FZR1: variants seen among roughly 807,000 people sequenced by gnomAD.
FZR1 encodes the protein fizzy and cell division cycle 20 related 1, also known as fizzy-related protein homolog.
A neutral mutation model predicts 63.6 loss-of-function variants in FZR1; 11 were observed. That is an observed-to-expected ratio of 0.17 (90% confidence interval 0.11 to 0.29). The LOEUF (loss-of-function observed/expected upper bound fraction) is 0.29. Ranked by LOEUF, FZR1 falls within the 10% of genes least tolerant of loss-of-function variation. The probability of loss-of-function intolerance (pLI) is 1.00; values close to 1 mark genes in which losing one functional copy is unlikely to be tolerated. For missense variants in FZR1, 440 were observed against 687.5 expected (o/e 0.64, Z 4.03); for synonymous variants, 328 against 297.9 (o/e 1.10, Z -1.04).
intron 1 of FZR1, among the ~76,000 whole-genome samples, chr19:3,506,746 G>A (rs1458869805): frequency 2.0e-5 from 3 of 151,814 alleles, no homozygotes; most frequent in Non-Finnish European, 4.4e-5. Flanking sequence ...CCTGTAAGTC[G>A]TGACCTCCCC....
chr19:3,517,046 C>T (rs988862615), intron 1 of FZR1, among the ~76,000 whole-genome samples: 4 of 152,240 alleles, frequency 2.6e-5, no homozygotes, highest in Non-Finnish European at 4.4e-5. Context: ...CCTCAGTGCA[C>T]GCGGTTACCA....
intron 13 of FZR1, 48 bp downstream of exon 13, chr19:3,534,561 C>G (rs746035868): frequency 7.0e-6 from 9 of 1,291,192 alleles, no homozygotes; most frequent in Middle Eastern, 3.6e-4. Context: ...CCAGCCTGTC[C>G]CAGGGTCGTC....
chr19:3,513,945 G>A (rs1463519144), intron 1 of FZR1, among the ~76,000 whole-genome samples: 2 of 152,146 alleles, frequency 1.3e-5, no homozygotes, highest in Non-Finnish European at 2.9e-5. Context: ...CCTTTTGTCC[G>A]TTAAAGAGCC....
rs527777885 is a variant in FZR1, at chr19:3,532,180, C to T, written c.1008+85C>T. ...AGGAACGGAAGAGCCTGGGCTGGGG[C>T]GGGCGCGGGCGCGGGGCCCACTCCA... On this transcript the variant is annotated intron_variant, in intron 10 of 13. Coordinates refer to ENST00000441788, the MANE Select transcript of FZR1 (RefSeq NM_016263.4). 283 of 1,249,824 alleles carry T rather than the reference C, an allele frequency of 2.3e-4. 1 individual carries two copies. Among genetic ancestry groups the T allele is most frequent in the South Asian group, 8.6e-4 (56 of 65,032 alleles). 77.4% of individuals were successfully genotyped at this position (1,249,824 alleles called of 1,614,324 possible). A position where few individuals can be genotyped will look rare whatever the true frequency, so the allele number is the denominator to read the frequency against.
intron 1 of FZR1, among the ~76,000 whole-genome samples, chr19:3,520,397 CCATGTGCTTTGGGCT>C: frequency 6.6e-6 from 1 of 152,312 alleles, no homozygotes; most frequent in Admixed American, 6.5e-5. Context: ...CCCTTTGGGC[CCATGTGCTTTGGGCT>C]GAGCCATGTA....
At chr19:3,521,085 G>A (rs2083097614) in intron 1 of FZR1, among the ~76,000 whole-genome samples, 2 of 152,218 alleles carry the variant, frequency 1.3e-5, no homozygotes, top group South Asian at 4.1e-4. Context: ...GTGGAGGGCC[G>A]CGCTGGTTCG....
chr19:3,530,665 A>G, intron 7 of FZR1, 127 bp from the exon 8 acceptor site: 1 of 673,532 alleles, frequency 1.5e-6, no homozygotes, highest in Non-Finnish European at 2.6e-6. Flanking sequence ...TGGATGGGAG[A>G]GTGGATGAGA....
intron 7 of FZR1, among the ~76,000 whole-genome samples, chr19:3,528,334 G>A (rs1436923014): frequency 1.3e-5 from 2 of 152,250 alleles, no homozygotes; most frequent in Admixed American, 6.5e-5. Context: ...AACGCCATGC[G>A]AGTAGTTTCG....
At chr19:3,507,778 T>C (rs1207646560) in intron 1 of FZR1, among the ~76,000 whole-genome samples, 1 of 152,198 alleles carries the variant, frequency 6.6e-6, no homozygotes, top group African/African-American at 2.4e-5. Context: ...AGTGGATGTG[T>C]CGGGGGCCGT....
chr19:3,531,702 C>T lies in FZR1; in HGVS notation c.721-12C>T. ...CCTGACACCGGTGCTCTGCCCATGC[C>T]TTCCATCCTAGGGGAACCTGGTGGC... On this transcript the variant is annotated splice_polypyrimidine_tract_variant and intron_variant, in intron 8 of 13. Transcript: ENST00000441788. 1.3e-6 allele frequency: 2 copies of T among 1,540,322 alleles called. No individual in the cohort carries two copies. Among genetic ancestry groups the T allele is most frequent in the Non-Finnish European group, 1.8e-6 (2 of 1,138,418 alleles).
Position 3,536,799 on chromosome 19 carries a change from A to C in FZR1, c.*1963A>C, listed in dbSNP as rs2029989527. The C allele has an allele frequency of 6.6e-6, 1 of 152,276 alleles. No individual in the cohort carries two copies. Among genetic ancestry groups the C allele is most frequent in the Admixed American group, 6.5e-5 (1 of 15,292 alleles). 9.4% of individuals were successfully genotyped at this position (152,276 alleles called of 1,614,324 possible). ...CTAGGTCCCCGGCTCGGGTGGGGTCACACGGTCCTGCCCTAGAGTCCCCAT... is the reference window on the plus strand; with the variant it reads ...CTAGGTCCCCGGCTCGGGTGGGGTCCCACGGTCCTGCCCTAGAGTCCCCAT... On this transcript the variant is annotated 3_prime_UTR_variant, in exon 14 of 14. Coordinates refer to ENST00000441788, the MANE Select transcript of FZR1 (RefSeq NM_016263.4).
At position 3,515,512 on chromosome 19, in the gene FZR1, T is replaced by C. The variant is rs968776849; in HGVS notation, c.-34-7444T>C. On this transcript the variant is annotated intron_variant, in intron 1 of 13. Coordinates refer to ENST00000441788, the MANE Select transcript of FZR1 (RefSeq NM_016263.4). The surrounding 1 kb of genome is among the most constrained non-coding windows in gnomAD (Gnocchi z 4.6). ...GGCCGGGCGCGGTGGCTCACGCTTG[T>C]AATCCCAGCACTTTGGGAGGCCGAG... 6.6e-6 allele frequency among the ~76,000 whole-genome samples: 1 copy of C among 152,074 alleles called. No homozygotes were observed. The highest frequency in any genetic ancestry group is 1.5e-5 in the Non-Finnish European group (1 of 68,002).
chr19:3,529,184 G>A (rs1158473467), intron 7 of FZR1, among the ~76,000 whole-genome samples: 41 of 148,752 alleles, frequency 2.8e-4, no homozygotes, highest in Non-Finnish European at 5.2e-4. Flanking sequence ...GCGGTTGGGA[G>A]AGCGGATGGG....
At chr19:3,524,116 G>A (rs1191932857) in intron 2 of FZR1, among the ~76,000 whole-genome samples, 1 of 152,204 alleles carries the variant, frequency 6.6e-6, no homozygotes, top group Non-Finnish European at 1.5e-5. Flanking sequence ...TAAATACAGG[G>A]GCATCTGTGT....
intron 2 of FZR1, among the ~76,000 whole-genome samples, chr19:3,524,841 C>A (rs1348101292): frequency 6.6e-6 from 1 of 152,188 alleles, no homozygotes; most frequent in African/African-American, 2.4e-5. Context: ...GTGTTTTCCT[C>A]TTCTTATGAG....
At chr19:3,529,827 AGCGGATGGG>A (rs1212318486) in intron 7 of FZR1, among the ~76,000 whole-genome samples, 1 of 93,224 alleles carries the variant, frequency 1.1e-5, no homozygotes, top group African/African-American at 7.3e-5. Context: ...TGGATGGGTG[AGCGGATGGG>A]TGAGCGGGTG....
intron 1 of FZR1, among the ~76,000 whole-genome samples, chr19:3,519,015 G>C (rs1337111146): frequency 6.6e-6 from 1 of 152,230 alleles, no homozygotes; most frequent in East Asian, 1.9e-4. Flanking sequence ...CTCTGTTCAT[G>C]TGTGTTGGTC....
Position 3,532,025 on chromosome 19 carries a change from G to A in FZR1, c.938G>A (p.Arg313Gln). 3.9e-6 allele frequency: 6 copies of A among 1,547,348 alleles called. No individual in the cohort carries two copies. The highest frequency in any genetic ancestry group is 2.4e-5 in the East Asian group (1 of 41,906). The change falls in exon 10 of 14, where the codon CGG (arginine) becomes CAG (glutamine). Residue 313 changes from arginine (R) to glutamine (Q), a missense_variant. Arg to Gln is a conservative substitution (Grantham distance 43). Around this residue, in one of 5 missense-constraint regions of FZR1, gnomAD observed 208 missense variants for 363.6 expected, o/e 0.57. Coordinates refer to ENST00000441788, the MANE Select transcript of FZR1 (RefSeq NM_016263.4). ...LQSERRLQGH[R>Q]QEVCGLKWST... Reference sequence around the variant, plus strand: ...TCGGAGCGGCGGCTGCAGGGCCACCGGCAGGAGGTGTGCGGGCTCAAGTGG... The same window carrying A: ...TCGGAGCGGCGGCTGCAGGGCCACCAGCAGGAGGTGTGCGGGCTCAAGTGG...
rs769615802 is a variant in FZR1 at position 3,533,422 on chromosome 19, A to G, written c.1347+24A>G. On this transcript the variant is annotated intron_variant, in intron 12 of 13. Transcript: ENST00000441788. This position sits in a 1 kb window ranked among gnomAD's most constrained non-coding sequence, Gnocchi z 4.9. ...TGGTGAGTTCACGCCAGGCACTTCA[A>G]GGTGCCCCGGGATTCTGGACAAACT... 1.4e-5 allele frequency: 20 copies of G among 1,457,974 alleles called. No individual in the cohort carries two copies. The South Asian group carries it at 1.5e-4, about 11-fold the overall frequency. 90.3% of individuals were successfully genotyped at this position (1,457,974 alleles called of 1,614,324 possible).
Sources: gnomAD v4.1 joint callset for allele counts (sites outside exome capture counted in the v4.1 genomes callset) on GRCh38, gnomAD v4.1.1 for gene constraint, gnomAD v4.1.1 regional missense constraint, Gnocchi (gnomAD v3.1) non-coding constraint, MANE v1.5 for transcripts, NCBI Gene and HGNC (gene_info 2026-07-23, HGNC 2026-07-21) for gene names.